Variants in IPCEF1 observed in about 807,000 individuals in gnomAD.
IPCEF1 encodes the protein interaction protein for cytohesin exchange factors 1, also known as interactor protein for cytohesin exchange factors 1.
A neutral mutation model predicts 50.9 loss-of-function variants in IPCEF1; 31 were observed. That is an observed-to-expected ratio of 0.61 (90% CI 0.46 to 0.82). The LOEUF is 0.82. Ranked by LOEUF, IPCEF1 falls within the 40% of genes least tolerant of loss-of-function variation. IPCEF1 has a pLI of 0.00. For synonymous variants in IPCEF1, 181 were observed against 192.0 expected (o/e 0.94, Z 0.47); for missense variants, 458 against 514.0 (o/e 0.89, Z 1.05).
chr6:154,356,570 C>T (rs1784220764), intron 1 of IPCEF1, 102 bp downstream of exon 1: 2 of 152,212 alleles, frequency 1.3e-5, no homozygotes, highest in African/African-American at 4.8e-5. Context: ...ATATTTCCTA[C>T]CTCACTACTC....
At chr6:154,349,244 T>C (rs941473920) in intron 1 of IPCEF1, among the ~76,000 whole-genome samples, 4 of 151,678 alleles carry the variant, frequency 2.6e-5, no homozygotes, top group Admixed American at 6.6e-5. Flanking sequence ...CTGGAATGAA[T>C]GCAGTGGTGC....
rs183353523 is a variant in IPCEF1 at position 154,164,481 on chromosome 6, C to T, written c.1104+3439G>A. 2.7e-4 allele frequency among the ~76,000 whole-genome samples: 41 copies of T among 152,326 alleles called. 1 individual carries two copies. The highest frequency in any genetic ancestry group is 9.9e-4 in the African/African-American group (41 of 41,578). The stretch of plus-strand genomic sequence containing the variant: ...CAGGCATCCTGGGGCTGGGCCTCAT[C>T]CAGCAGCCCAGCTTCTCCTGGATGG... On this transcript the variant is annotated intron_variant, in intron 11 of 11. Coordinates refer to ENST00000367220, the MANE Select transcript of IPCEF1 (RefSeq NM_001130700.2).
intron 5 of IPCEF1, among the ~76,000 whole-genome samples, chr6:154,229,936 A>G (rs1779593448): frequency 6.6e-6 from 1 of 152,212 alleles, no homozygotes; most frequent in African/African-American, 2.4e-5. Context: ...CCCTGAAAAC[A>G]TTCTGCTAAG....
chr6:154,195,778 T>C (rs1470847510), intron 10 of IPCEF1, among the ~76,000 whole-genome samples: 2 of 147,244 alleles, frequency 1.4e-5, no homozygotes, highest in East Asian at 2.1e-4. Flanking sequence ...ACCAGAATTG[T>C]ACCTTGTTCA....
In IPCEF1 at chr6:154,199,786, G is replaced by A; in HGVS notation, c.792C>T (p.Val264=). ...GIHKALENSF[V]TSESGFLNSL... is the part of the protein sequence containing the mutation. ...AGTTCAAAAATCCACTTTCTGATGT[G>A]ACAAAACTGTTTTCCAGGGCCTTGT... The change falls in exon 10 of 12, where the codon GTC becomes GTT. Residue 264 remains valine, a synonymous_variant. Coordinates refer to ENST00000367220, the MANE Select transcript of IPCEF1 (RefSeq NM_001130700.2). 1 of 1,614,196 alleles carries A rather than the reference G, an allele frequency of 6.2e-7. No individual in the cohort carries two copies. Among genetic ancestry groups the A allele is most frequent in the South Asian group, 1.1e-5 (1 of 91,078 alleles).
At chr6:154,316,203 T>C (rs1253360014) in intron 1 of IPCEF1, among the ~76,000 whole-genome samples, 1 of 152,174 alleles carries the variant, frequency 6.6e-6, no homozygotes. Context: ...CACTGTAAAA[T>C]TGGGTTGCCA....
chr6:154,229,228 TA>T (rs1307248179), intron 5 of IPCEF1, among the ~76,000 whole-genome samples: 1 of 152,114 alleles, frequency 6.6e-6, no homozygotes, highest in African/African-American at 2.4e-5. Context: ...AGGTGTGGAA[TA>T]AATACATGTG....
chr6:154,356,426 C>T (rs1374979583), intron 1 of IPCEF1, among the ~76,000 whole-genome samples: 3 of 152,160 alleles, frequency 2.0e-5, no homozygotes, highest in Non-Finnish European at 4.4e-5. Context: ...CAAGACAACA[C>T]CCATTTAAGA....
intron 10 of IPCEF1, among the ~76,000 whole-genome samples, chr6:154,190,935 A>C (rs9479787): frequency 0.09 from 13,649 of 152,188 alleles, 892 homozygotes; most frequent in African/African-American, 0.18. Context: ...AGGTACCTAT[A>C]GTCCCAGCTA....
intron 9 of IPCEF1, among the ~76,000 whole-genome samples, chr6:154,202,925 T>C (rs1777189441): frequency 6.6e-6 from 1 of 152,164 alleles, no homozygotes; most frequent in South Asian, 2.1e-4. Context: ...AGAAAGTGAC[T>C]ACATATTCAG....
chr6:154,173,622 A>G (rs1444233349), intron 10 of IPCEF1, among the ~76,000 whole-genome samples: 1 of 152,236 alleles, frequency 6.6e-6, no homozygotes, highest in African/African-American at 2.4e-5. Context: ...AGATTATAGA[A>G]AAAAGAATGA....
chr6:154,204,562 T>C (rs1404084918), intron 9 of IPCEF1, among the ~76,000 whole-genome samples: 1 of 152,188 alleles, frequency 6.6e-6, no homozygotes, highest in Non-Finnish European at 1.5e-5. Flanking sequence ...GACCTTGTAA[T>C]AGTACACTCC....
intron 2 of IPCEF1, among the ~76,000 whole-genome samples, chr6:154,269,037 T>G (rs760231377): frequency 6.6e-6 from 1 of 152,188 alleles, no homozygotes; most frequent in African/African-American, 2.4e-5. Context: ...TCCATTATAA[T>G]ATAACCTAAC....
intron 10 of IPCEF1, among the ~76,000 whole-genome samples, chr6:154,169,234 G>T (rs1799680194): frequency 6.6e-6 from 1 of 152,112 alleles, no homozygotes; most frequent in Admixed American, 6.5e-5. Flanking sequence ...GGTGGTGCGT[G>T]CCTGTCATCC....
chr6:154,223,382 T>G lies in IPCEF1; in HGVS notation c.247-139A>C, dbSNP rs891654760. ...AGATACCAACCACCCTGAATCACCA[T>G]GGAGGTGTCCCAGATACACAGCTCA... On this transcript the variant is annotated intron_variant, in intron 5 of 11. Coordinates refer to ENST00000367220, the MANE Select transcript of IPCEF1 (RefSeq NM_001130700.2). 1.2e-5 allele frequency: 8 copies of G among 692,268 alleles called. No homozygotes were observed. In the Admixed American group the frequency reaches 1.7e-4, roughly 15 times the overall value. 42.9% of individuals were successfully genotyped at this position (692,268 alleles called of 1,614,324 possible).
chr6:154,349,614 T>G (rs1784089553), intron 1 of IPCEF1, among the ~76,000 whole-genome samples: 1 of 152,094 alleles, frequency 6.6e-6, no homozygotes, highest in South Asian at 2.1e-4. Context: ...TCAGTCTCTA[T>G]TAATATATGT....
intron 10 of IPCEF1, among the ~76,000 whole-genome samples, chr6:154,192,040 A>C (rs1004833975): frequency 3.9e-5 from 6 of 152,200 alleles, no homozygotes; most frequent in Non-Finnish European, 7.3e-5. Flanking sequence ...ACTATAAAAC[A>C]ATGAAAATGA....
intron 1 of IPCEF1, among the ~76,000 whole-genome samples, chr6:154,333,932 GAAAT>G (rs1178809473): frequency 6.6e-6 from 1 of 152,062 alleles, no homozygotes; most frequent in African/African-American, 2.4e-5. Flanking sequence ...TTAGGAGAGA[GAAAT>G]AAATAAATAA....
intron 10 of IPCEF1, among the ~76,000 whole-genome samples, chr6:154,188,721 T>A (rs1348232117): frequency 6.6e-6 from 1 of 152,238 alleles, no homozygotes; most frequent in Non-Finnish European, 1.5e-5. Flanking sequence ...AGCACTCGAT[T>A]CATGAGAAAG....
Sources: gnomAD v4.1 joint callset for allele counts (sites outside exome capture counted in the v4.1 genomes callset) on GRCh38, gnomAD v4.1.1 for gene constraint, MANE v1.5 for transcripts, NCBI Gene and HGNC (gene_info 2026-07-23, HGNC 2026-07-21) for gene names.